TMCO6: variants seen among roughly 807,000 people sequenced by gnomAD.
TMCO6 encodes the protein transmembrane and coiled-coil domains 6.
TMCO6 carries 47 observed loss-of-function variants against 61.8 expected under a neutral mutation model. That is an observed-to-expected ratio of 0.76 (90% CI 0.60 to 0.97). The LOEUF (loss-of-function observed/expected upper bound fraction) is 0.97, where lower values mean the gene tolerates loss of function less well. TMCO6 is among the 50% of genes least tolerant of loss of function. The pLI is 0.00. For synonymous variants in TMCO6, 261 were observed against 254.2 expected (o/e 1.03, Z -0.25); for missense variants, 557 against 601.6 (o/e 0.93, Z 0.78).
chr5:140,644,120 A>G lies in TMCO6; in HGVS notation c.1126A>G (p.Thr376Ala), dbSNP rs1484805041. Reference sequence around the variant, plus strand: ...TCCAGCAAACAGTCCTAGTTTCTGTACCTCCTTGCTCTCCCTGGATCTGAT... The same window carrying G: ...TCCAGCAAACAGTCCTAGTTTCTGTGCCTCCTTGCTCTCCCTGGATCTGAT... ...NLTANSPSFCTSLLSLDLIEP... is the reference protein window; with the variant it reads ...NLTANSPSFCASLLSLDLIEP... Residue 376 changes from threonine (T) to alanine (A), a missense_variant, in exon 10 of 12, where the codon ACC becomes GCC. Coordinates refer to ENST00000394671, the MANE Select transcript of TMCO6 (RefSeq NM_018502.5). The G allele has an allele frequency of 1.1e-5, 17 of 1,613,980 alleles. No individual in the cohort carries two copies. The highest frequency in any genetic ancestry group is 1.2e-5 in the Non-Finnish European group (14 of 1,180,036).
chr5:140,603,778 T>C, the TMCO6 span, among the ~76,000 whole-genome samples: 3 of 152,250 alleles, frequency 2.0e-5, no homozygotes, highest in Admixed American at 1.3e-4. Flanking sequence ...CATTCGGTTA[T>C]TATGAATACT....
At chr5:140,625,367 C>T in the TMCO6 span, among the ~76,000 whole-genome samples, 3 of 152,198 alleles carry the variant, frequency 2.0e-5, no homozygotes, top group African/African-American at 7.2e-5. Context: ...ACAATTGAGG[C>T]CACTTGCTAT....
chr5:140,639,167 G>C (rs1328008107), upstream of TMCO6: 1 of 227,282 alleles, frequency 4.4e-6, no homozygotes, highest in African/African-American at 2.4e-5. Flanking sequence ...CATCTAGAGC[G>C]TATTGTGGGT....
chr5:140,644,271 A>C, intron 10 of TMCO6, 77 bp downstream of exon 10: 2 of 1,490,702 alleles, frequency 1.3e-6, no homozygotes, highest in Non-Finnish European at 1.9e-6. Flanking sequence ...CCTCAGATGT[A>C]CCCTTAGTTG....
Position 140,639,517 on chromosome 5 carries a change from C to T in TMCO6, c.-11C>T, listed in dbSNP as rs1159473793. The T allele has an allele frequency of 1.9e-6, 3 of 1,549,630 alleles. No individual in the cohort carries two copies. Among genetic ancestry groups the T allele is most frequent in the Admixed American group, 2.0e-5 (1 of 50,988 alleles). On this transcript the variant is annotated 5_prime_UTR_variant, in exon 1 of 12. Transcript: ENST00000394671. ...TGCTGTTTCCTTCGGCTTTCCTCCT[C>T]CTGCTCCACCATGTGGAGCCGACGG...
chr5:140,597,865 A>C, the TMCO6 span, among the ~76,000 whole-genome samples: 12 of 152,360 alleles, frequency 7.9e-5, no homozygotes, highest in South Asian at 2.5e-3. Context: ...AGAAATGCTG[A>C]AATAAAGATT....
At chr5:140,612,500 C>T in the TMCO6 span, among the ~76,000 whole-genome samples, 1 of 152,262 alleles carries the variant, frequency 6.6e-6, no homozygotes, top group Admixed American at 6.5e-5. Flanking sequence ...CCACGGCGCC[C>T]GGCTCATTTT....
chr5:140,599,932 ATAAAATAAAAT>A, the TMCO6 span, among the ~76,000 whole-genome samples: 1 of 124,216 alleles, frequency 8.1e-6, no homozygotes, highest in Non-Finnish European at 1.8e-5. Context: ...ATAAAATAAA[ATAAAATAAAAT>A]AAAATAAAAT....
chr5:140,639,912 T>C, intron 2 of TMCO6, 61 bp downstream of exon 2: 1 of 1,444,398 alleles, frequency 6.9e-7, no homozygotes, highest in Non-Finnish European at 9.5e-7. Flanking sequence ...CTCCCGGGAG[T>C]ACTCGAGGTC....
chr5:140,624,850 TTCTTTC>T, the TMCO6 span, among the ~76,000 whole-genome samples: 1 of 113,746 alleles, frequency 8.8e-6, no homozygotes, highest in African/African-American at 3.9e-5. Context: ...CTTTCTTTCT[TTCTTTC>T]TTTTTTTTTT....
the TMCO6 span, among the ~76,000 whole-genome samples, chr5:140,604,577 T>C: frequency 6.6e-6 from 1 of 152,044 alleles, no homozygotes; most frequent in Admixed American, 6.6e-5. Context: ...TTAATCTCTA[T>C]GAAGTCCAAT....
At chr5:140,626,055 C>T in the TMCO6 span, among the ~76,000 whole-genome samples, 2 of 152,148 alleles carry the variant, frequency 1.3e-5, no homozygotes, top group Non-Finnish European at 2.9e-5. Context: ...CCCCTCCTGG[C>T]CTGGGTGAAC....
Position 140,642,662 on chromosome 5 carries a change from A to G in TMCO6, c.680A>G (p.Lys227Arg), listed in dbSNP as rs1757114482. ...QLLQAEEAPEKIIPSILASTL... is the reference protein window; with the variant it reads ...QLLQAEEAPERIIPSILASTL... ...CTACAGGCTGAGGAAGCTCCAGAGA[A>G]GATCATTCCGTGAGTAAAATTGTCT... The change falls in exon 6 of 12, where the codon AAG becomes AGG. Residue 227 changes from lysine (K) to arginine (R), a missense_variant. Coordinates refer to ENST00000394671, the MANE Select transcript of TMCO6 (RefSeq NM_018502.5). The G allele has an allele frequency of 6.2e-7, 1 of 1,614,074 alleles. No individual in the cohort carries two copies.
chr5:140,632,385 T>A, the TMCO6 span: 2 of 1,614,096 alleles, frequency 1.2e-6, no homozygotes, highest in Non-Finnish European at 1.7e-6. This position sits in a 1 kb window ranked among gnomAD's most constrained non-coding sequence, Gnocchi z 6.2. Flanking sequence ...GTCAGACAGG[T>A]CTAGGCTGGT....
the TMCO6 span, chr5:140,632,756 G>A: frequency 2.7e-5 from 43 of 1,613,454 alleles, no homozygotes; most frequent in Non-Finnish European, 3.1e-5. This position sits in a 1 kb window ranked among gnomAD's most constrained non-coding sequence, Gnocchi z 6.2. Flanking sequence ...GCGGGTCGGC[G>A]TCCGCATCGA....
At chr5:140,603,484 T>G in the TMCO6 span, among the ~76,000 whole-genome samples, 1 of 152,006 alleles carries the variant, frequency 6.6e-6, no homozygotes, top group Non-Finnish European at 1.5e-5. Context: ...ATTTTTGTAT[T>G]TTTAGTAGAA....
the TMCO6 span, among the ~76,000 whole-genome samples, chr5:140,600,331 T>C: frequency 6.6e-6 from 1 of 152,188 alleles, no homozygotes; most frequent in Admixed American, 6.5e-5. Flanking sequence ...AGGGCTATTG[T>C]ACAGAGAATT....
the TMCO6 span, among the ~76,000 whole-genome samples, chr5:140,616,056 C>T: frequency 1.7e-4 from 26 of 151,996 alleles, no homozygotes; most frequent in Non-Finnish European, 3.7e-4. Context: ...CACTTGAACC[C>T]AGGAGGTGGA....
At chr5:140,640,588 G>A (rs1005036116) in intron 2 of TMCO6, among the ~76,000 whole-genome samples, 7 of 152,022 alleles carry the variant, frequency 4.6e-5, no homozygotes, top group South Asian at 2.1e-4. Context: ...AAGTAGAGGC[G>A]GGGTTTCATC....
Sources: allele counts gnomAD v4.1 joint callset (sites outside exome capture counted in the v4.1 genomes callset), GRCh38; gene constraint gnomAD v4.1.1; non-coding constraint Gnocchi (gnomAD v3.1); transcripts MANE v1.5; gene names NCBI Gene and HGNC (gene_info 2026-07-23, HGNC 2026-07-21).